The following CPLX1 variants were observed in gnomAD, a reference collection of about 807,000 sequenced individuals.
CPLX1 encodes complexin-1.
In CPLX1, 6 loss-of-function variants were observed where a neutral mutation model predicts 15.6. The ratio of observed to expected loss-of-function variants is 0.39; its 90% confidence interval spans 0.21 to 0.76. CPLX1 has a LOEUF of 0.76. CPLX1 is among the 30% of genes least tolerant of loss of function. CPLX1 has a pLI of 0.43. For missense variants in CPLX1, 242 were observed against 188.6 expected (o/e 1.28, Z -1.66); for synonymous variants, 91 against 75.2 (o/e 1.21, Z -1.08).
chr4:792,360 C>T (rs998408587), intron 3 of CPLX1, 73 bp downstream of exon 3: 1 of 1,370,152 alleles, frequency 7.3e-7, no homozygotes, highest in Non-Finnish European at 9.6e-7. Context: ...CAGCCCCTTC[C>T]ACCCAGGCGG....
intron 2 of CPLX1, among the ~76,000 whole-genome samples, chr4:822,410 CCTCTTTCTCTCT>C (rs1746888801): frequency 1.3e-5 from 2 of 151,840 alleles, no homozygotes; most frequent in Non-Finnish European, 2.9e-5. Flanking sequence ...TCCGTCTCTC[CCTCTTTCTCTCT>C]CTCCCCTCTG....
At chr4:808,499 A>C (rs1746598636) in intron 2 of CPLX1, among the ~76,000 whole-genome samples, 1 of 152,224 alleles carries the variant, frequency 6.6e-6, no homozygotes, top group Non-Finnish European at 1.5e-5. Context: ...CAGAAAAAGC[A>C]ACCAAACAAA....
rs539691450 is a variant in CPLX1, at chr4:785,017, G to A, written c.*1484C>T. On this transcript the variant is annotated 3_prime_UTR_variant, in exon 4 of 4. Transcript: ENST00000304062. ...CGGAGAGAACACACGCAGGGGCCCC[G>A]ACATGCAGGAGGAGGCGCAGGCGCA... 1 of 152,442 alleles carries A rather than the reference G, an allele frequency of 6.6e-6. No homozygotes were observed. The highest frequency in any genetic ancestry group is 1.9e-4 in the East Asian group (1 of 5,178). The allele number at this position is 152,442 out of a possible 1,614,324, so 9.4% of individuals were successfully genotyped here.
chr4:803,827 G>A (rs1049929218), intron 2 of CPLX1, among the ~76,000 whole-genome samples: 3 of 152,128 alleles, frequency 2.0e-5, no homozygotes, highest in East Asian at 3.9e-4. Context: ...GTGCCACCAC[G>A]CCTGGCTAAT....
chr4:789,404 C>T (rs1339227397), intron 3 of CPLX1, among the ~76,000 whole-genome samples: 2 of 152,214 alleles, frequency 1.3e-5, no homozygotes, highest in Non-Finnish European at 2.9e-5. Flanking sequence ...GAAAAAAGGG[C>T]AGTGGGTGCT....
chr4:815,851 C>T (rs1409386744), intron 2 of CPLX1, among the ~76,000 whole-genome samples: 4 of 152,212 alleles, frequency 2.6e-5, no homozygotes, highest in African/African-American at 9.6e-5. Flanking sequence ...GACATTTACA[C>T]ACCACTTCCA....
intron 2 of CPLX1, among the ~76,000 whole-genome samples, chr4:821,879 G>T (rs986954211): frequency 1.3e-5 from 2 of 152,156 alleles, no homozygotes; most frequent in Non-Finnish European, 2.9e-5. Context: ...CACACCTGCG[G>T]CCCAGCCTGC....
At chr4:812,045 T>C (rs1383503141) in intron 2 of CPLX1, among the ~76,000 whole-genome samples, 7 of 152,282 alleles carry the variant, frequency 4.6e-5, no homozygotes, top group Admixed American at 1.3e-4. Flanking sequence ...TTTCCCTATC[T>C]TTTCACTTTT....
At chr4:799,301 C>A (rs1395252905) in intron 2 of CPLX1, among the ~76,000 whole-genome samples, 2 of 152,214 alleles carry the variant, frequency 1.3e-5, no homozygotes, top group Non-Finnish European at 2.9e-5. Flanking sequence ...CGCATTTCTA[C>A]GGGGACGTCC....
intron 3 of CPLX1, among the ~76,000 whole-genome samples, chr4:791,050 C>T (rs1190095354): frequency 1.3e-5 from 2 of 152,114 alleles, no homozygotes; most frequent in Non-Finnish European, 2.9e-5. Flanking sequence ...CTTCCTTCTC[C>T]TCCTGTCCCC....
chr4:810,925 G>C lies in CPLX1; in HGVS notation c.31+13567C>G, dbSNP rs142059501. On this transcript the variant is annotated intron_variant, in intron 2 of 3. Coordinates refer to ENST00000304062, the MANE Select transcript of CPLX1 (RefSeq NM_006651.4). The stretch of plus-strand genomic sequence containing the variant: ...TTGGCCAGGATGGTCTCGAACTCCT[G>C]AGCTCAGGTGATCCGCCCGCCTCAG... 2.9e-3 allele frequency among the ~76,000 whole-genome samples: 445 copies of C among 152,068 alleles called. 2 individuals are homozygous for C. Among genetic ancestry groups the C allele is most frequent in the Middle Eastern group, 6.8e-3 (2 of 294 alleles).
At chr4:816,780 C>T (rs1462112422) in intron 2 of CPLX1, among the ~76,000 whole-genome samples, 1 of 152,142 alleles carries the variant, frequency 6.6e-6, no homozygotes, top group Non-Finnish European at 1.5e-5. Flanking sequence ...TGTGATCGCT[C>T]CACTGCACTC....
In CPLX1 at chr4:786,367, C is replaced by T. The variant is rs1745987750; in HGVS notation, c.*134G>A. The T allele has an allele frequency of 2.1e-6, 2 of 975,444 alleles. No individual in the cohort carries two copies. Among genetic ancestry groups the T allele is most frequent in the African/African-American group, 1.7e-5 (1 of 57,340 alleles). The allele number at this position is 975,444 out of a possible 1,614,324, so 60.4% of individuals were successfully genotyped here. A position where few individuals can be genotyped will look rare whatever the true frequency, so the allele number is the denominator to read the frequency against. On this transcript the variant is annotated 3_prime_UTR_variant, in exon 4 of 4. Transcript: ENST00000304062. ...CTTGCCGGGTGAGGGAGGCGGCGGG[C>T]GCGGGCAGGGCGGGCCTGGGGCTAT... is the stretch of plus-strand genomic sequence containing the variant.
intron 2 of CPLX1, chr4:804,893 A>G: frequency 1.0e-6 from 1 of 985,284 alleles, no homozygotes; most frequent in Non-Finnish European, 1.2e-6. Flanking sequence ...TTTGGAACGC[A>G]GGCGGCAGCC....
chr4:825,593 G>T (rs1411299171), intron 1 of CPLX1, among the ~76,000 whole-genome samples: 3 of 151,912 alleles, frequency 2.0e-5, no homozygotes, highest in Non-Finnish European at 4.4e-5. Context: ...GCGGGAGCGC[G>T]CCAGGAGAGG....
chr4:793,352 G>A lies in CPLX1; in HGVS notation c.32-744C>T, dbSNP rs77898305. 2.0e-3 allele frequency among the ~76,000 whole-genome samples: 305 copies of A among 152,260 alleles called. 9 individuals are homozygous for A. The East Asian group carries it at 0.054, about 27-fold the overall frequency. The stretch of plus-strand genomic sequence containing the variant: ...GGCCCTGCTGGGGCTGCAGGGGACC[G>A]CTTGTTACTGGCACCCAGGCCCTAA... On this transcript the variant is annotated intron_variant, in intron 2 of 3. Coordinates refer to ENST00000304062, the MANE Select transcript of CPLX1 (RefSeq NM_006651.4).
At chr4:803,235 C>T (rs1233877543) in intron 2 of CPLX1, among the ~76,000 whole-genome samples, 1 of 152,256 alleles carries the variant, frequency 6.6e-6, no homozygotes, top group Non-Finnish European at 1.5e-5. Flanking sequence ...TGACACACAG[C>T]TGCCGCTGCG....
intron 2 of CPLX1, among the ~76,000 whole-genome samples, chr4:818,445 A>G (rs1235874508): frequency 2.0e-5 from 3 of 152,220 alleles, no homozygotes; most frequent in Non-Finnish European, 4.4e-5. Flanking sequence ...ACGTCCTGCA[A>G]TGCTCCCTCT....
intron 2 of CPLX1, among the ~76,000 whole-genome samples, chr4:796,504 C>T (rs1368924014): frequency 6.6e-6 from 1 of 152,150 alleles, no homozygotes; most frequent in African/African-American, 2.4e-5. Context: ...AGGGTGGTCT[C>T]GAACTCCTGA....
Sources: allele counts gnomAD v4.1 joint callset (sites outside exome capture counted in the v4.1 genomes callset), GRCh38; gene constraint gnomAD v4.1.1; transcripts MANE v1.5; gene names NCBI Gene and HGNC (gene_info 2026-07-23, HGNC 2026-07-21).